Variants in RBM11 observed in about 807,000 individuals in gnomAD.
The protein encoded by RBM11 is splicing regulator RBM11.
In RBM11, 18 loss-of-function variants were observed where a neutral mutation model predicts 21.4. The observed-to-expected ratio is 0.84, with a 90% confidence interval of 0.58 to 1.25. The LOEUF (loss-of-function observed/expected upper bound fraction) is 1.25. Among genes scored for constraint, RBM11 ranks in the 50% most tolerant of loss-of-function variants. The probability of loss-of-function intolerance (pLI) is 0.00; values close to 1 mark genes in which losing one functional copy is unlikely to be tolerated. For synonymous variants in RBM11, 120 were observed against 116.3 expected (o/e 1.03, Z -0.20); for missense variants, 294 against 331.9 (o/e 0.89, Z 0.89).
At position 14,216,276 on chromosome 21, in the gene RBM11, C is replaced by T. The variant is rs751357495; in HGVS notation, c.90C>T (p.Phe30=). 1.9e-6 allele frequency: 3 copies of T among 1,613,060 alleles called. No individual in the cohort carries two copies. Among genetic ancestry groups the T allele is most frequent in the African/African-American group, 2.7e-5 (2 of 74,916 alleles). Residue 30 remains phenylalanine (F), a synonymous_variant, in exon 1 of 5, where the codon TTC becomes TTT. Transcript: ENST00000400577. ...RVREEILYEL[F]LQAGPLTKVT... ...GGGAAGAGATTCTGTACGAGCTGTT[C>T]CTTCAGGTACCGTCTCTGGGAAGGG...
intron 3 of RBM11, among the ~76,000 whole-genome samples, chr21:14,222,317 A>C (rs1978743697): frequency 6.7e-6 from 1 of 149,364 alleles, no homozygotes; most frequent in African/African-American, 2.6e-5. Context: ...ACTTATATAT[A>C]GAGAGAGAAG....
At position 14,224,428 on chromosome 21, in the gene RBM11, C is replaced by T; in HGVS notation, c.333-10C>T. 6.5e-7 allele frequency: 1 copy of T among 1,535,996 alleles called. No individual in the cohort carries two copies. Among genetic ancestry groups the T allele is most frequent in the Admixed American group, 2.2e-5 (1 of 45,450 alleles). On this transcript the variant is annotated splice_polypyrimidine_tract_variant and intron_variant, in intron 3 of 4. Transcript: ENST00000400577. ...AAGATTTTATTACTTCTTCTTTCAT[C>T]TCCTCAAAGGAATGAAGAAATGTTG...
rs558496808 is a variant in RBM11, at chr21:14,221,791, A to G, written c.332+622A>G. On this transcript the variant is annotated intron_variant, in intron 3 of 4. Coordinates refer to ENST00000400577, the MANE Select transcript of RBM11 (RefSeq NM_144770.5). The stretch of plus-strand genomic sequence containing the variant: ...CAGCTTTTGTTACATCCATTTTAAA[A>G]ACAGTGAAAAGCAAGAAGAAAGATA... Among the ~76,000 whole-genome samples the G allele has an allele frequency of 2.0e-5, 3 of 152,304 alleles. No homozygotes were observed. The South Asian group carries it at 6.2e-4, about 32-fold the overall frequency.
At chr21:14,222,212 T>C (rs1409313288) in intron 3 of RBM11, among the ~76,000 whole-genome samples, 2 of 152,062 alleles carry the variant, frequency 1.3e-5, no homozygotes, top group Non-Finnish European at 2.9e-5. Context: ...TATAGATGTA[T>C]GATATAGATA....
rs1978492013 is a variant in RBM11, at chr21:14,219,653, G to A, written c.187G>A (p.Val63Met). The change falls in exon 2 of 5, where the codon GTG (valine) becomes ATG (methionine). Residue 63 changes from valine (V) to methionine (M), a missense_variant. Transcript: ENST00000400577. ...GFVCFKHPES[V>M]SYAIALLNGI... ...TGTCTGCTTTAAACACCCAGAATCG[G>A]TGTCTTATGCCATAGCTTTGCTGAA... 1 of 1,608,376 alleles carries A rather than the reference G, an allele frequency of 6.2e-7. No homozygotes were observed.
At chr21:14,221,642 A>T (rs402462) in intron 3 of RBM11, among the ~76,000 whole-genome samples, 38,460 of 152,018 alleles carry the variant, frequency 0.25, 5,465 homozygotes, top group African/African-American at 0.4. Context: ...TTTCAAACTC[A>T]TCTAGAATTT....
At chr21:14,220,020 C>A (rs1978523341) in intron 2 of RBM11, among the ~76,000 whole-genome samples, 1 of 152,090 alleles carries the variant, frequency 6.6e-6, no homozygotes, top group Admixed American at 6.6e-5. Context: ...TTGAGCAAAT[C>A]TAAATGAACT....
intron 2 of RBM11, among the ~76,000 whole-genome samples, chr21:14,220,764 T>C (rs1978601341): frequency 6.6e-6 from 1 of 152,156 alleles, no homozygotes; most frequent in African/African-American, 2.4e-5. Flanking sequence ...CCTTGTACAC[T>C]GGAAACAAAT....
intron 3 of RBM11, among the ~76,000 whole-genome samples, chr21:14,222,484 T>G (rs1312817913): frequency 6.6e-6 from 1 of 152,134 alleles, no homozygotes; most frequent in African/African-American, 2.4e-5. Flanking sequence ...ATCAACCCTC[T>G]GAACATTGGA....
At chr21:14,221,833 A>C (rs1015235396) in intron 3 of RBM11, among the ~76,000 whole-genome samples, 1 of 152,198 alleles carries the variant, frequency 6.6e-6, no homozygotes, top group African/African-American at 2.4e-5. Flanking sequence ...AGCTTAGCAC[A>C]CTTAGGAAAA....
Position 14,222,970 on chromosome 21 carries a change from A to G in RBM11, c.333-1468A>G, listed in dbSNP as rs141411673. Among the ~76,000 whole-genome samples, 645 of 152,312 alleles carry G rather than the reference A, an allele frequency of 4.2e-3. 2 individuals are homozygous for G. The highest frequency in any genetic ancestry group is 7.9e-3 in the South Asian group (38 of 4,830). ...TATAATGTAAGAACTCCTTTTTTCT[A>G]CTAGTACCAAGTGGGAAAAGGTATC... is the stretch of plus-strand genomic sequence containing the variant. On this transcript the variant is annotated intron_variant, in intron 3 of 4. Transcript: ENST00000400577.
At chr21:14,222,445 T>C (rs1299384818) in intron 3 of RBM11, among the ~76,000 whole-genome samples, 1 of 152,106 alleles carries the variant, frequency 6.6e-6, no homozygotes, top group Admixed American at 6.5e-5. Flanking sequence ...AAACTAACAA[T>C]AGCTGACCCT....
chr21:14,220,410 C>T (rs535837645), intron 2 of RBM11, among the ~76,000 whole-genome samples: 1 of 152,274 alleles, frequency 6.6e-6, no homozygotes, highest in Non-Finnish European at 1.5e-5. Context: ...TACGCAGCCT[C>T]CTCTAAGTGG....
intron 3 of RBM11, among the ~76,000 whole-genome samples, chr21:14,223,291 T>C (rs1316796189): frequency 6.6e-6 from 1 of 152,242 alleles, no homozygotes; most frequent in African/African-American, 2.4e-5. Flanking sequence ...AAATGGTGCT[T>C]ATTTAACAAT....
chr21:14,222,368 A>G (rs1398513644), intron 3 of RBM11, among the ~76,000 whole-genome samples: 1 of 152,158 alleles, frequency 6.6e-6, no homozygotes. Context: ...TATCATAGTA[A>G]CAGTATGAGT....
Position 14,223,055 on chromosome 21 carries a change from A to C in RBM11, c.333-1383A>C, listed in dbSNP as rs746577610. On this transcript the variant is annotated intron_variant, in intron 3 of 4. Coordinates refer to ENST00000400577, the MANE Select transcript of RBM11 (RefSeq NM_144770.5). Reference sequence around the variant, plus strand: ...TTGGTAAGATTTAGACGGAAGAGAAAAGACTAGATGGGCACTAGAATATAG... The same window carrying C: ...TTGGTAAGATTTAGACGGAAGAGAACAGACTAGATGGGCACTAGAATATAG... Among the ~76,000 whole-genome samples, 37 of 152,262 alleles carry C rather than the reference A, an allele frequency of 2.4e-4. 1 individual carries two copies. Among genetic ancestry groups the C allele is most frequent in the Middle Eastern group, 6.8e-3 (2 of 294 alleles).
intron 4 of RBM11, among the ~76,000 whole-genome samples, chr21:14,225,838 A>T (rs947082460): frequency 6.6e-6 from 1 of 152,112 alleles, no homozygotes; most frequent in South Asian, 2.1e-4. Context: ...TAGAAATTTG[A>T]GTTAAGAGCT....
chr21:14,227,071 T>C lies in RBM11; in HGVS notation c.624T>C (p.Asn208=), dbSNP rs1176053092. Residue 208 remains asparagine (N), a synonymous_variant, in exon 5 of 5, where the codon AAT becomes AAC. Coordinates refer to ENST00000400577, the MANE Select transcript of RBM11 (RefSeq NM_144770.5). ...DLYQMTAPLP[N]SASVSSSLNH... ...ATCAGATGACAGCTCCACTTCCTAA[T>C]AGTGCATCCGTGTCTTCCTCACTGA... The C allele has an allele frequency of 3.1e-6, 5 of 1,613,170 alleles. No homozygotes were observed. Among genetic ancestry groups the C allele is most frequent in the East Asian group, 4.5e-5 (2 of 44,828 alleles).
Position 14,224,509 on chromosome 21 carries a change from C to G in RBM11, c.404C>G (p.Pro135Arg). 1 of 1,555,124 alleles carries G rather than the reference C, an allele frequency of 6.4e-7. No homozygotes were observed. The highest frequency in any genetic ancestry group is 1.2e-5 in the South Asian group (1 of 83,988). Reference protein sequence around the residue: ...QYFPINNTSLPQEYFLFQKMQ... With the variant: ...QYFPINNTSLRQEYFLFQKMQ... ...TTTCCAATTAATAATACTTCTTTACCTCAAGAATATTTTCTCTTTCAGAAG... is the reference window on the plus strand; with the variant it reads ...TTTCCAATTAATAATACTTCTTTACGTCAAGAATATTTTCTCTTTCAGAAG... Residue 135 changes from proline to arginine, a missense_variant, in exon 4 of 5, where the codon CCT becomes CGT. By Grantham distance (103) the Pro-to-Arg change is moderately radical. This residue lies in a region of RBM11 where 181 missense variants were observed against 164.6 expected (regional missense o/e 1.10). Coordinates refer to ENST00000400577, the MANE Select transcript of RBM11 (RefSeq NM_144770.5).
Sources: allele counts gnomAD v4.1 joint callset (sites outside exome capture counted in the v4.1 genomes callset), GRCh38; gene constraint gnomAD v4.1.1; regional missense constraint gnomAD v4.1.1; transcripts MANE v1.5; gene names NCBI Gene and HGNC (gene_info 2026-07-23, HGNC 2026-07-21).